Variants in EPHA5 observed in about 807,000 individuals in gnomAD.
EPHA5 encodes the protein ephrin type-A receptor 5.
EPHA5 carries 60 observed loss-of-function variants against 105.0 expected under a neutral mutation model. The ratio of observed to expected loss-of-function variants is 0.57; its 90% CI spans 0.46 to 0.71. The LOEUF is 0.71. EPHA5 is among the 30% of genes least tolerant of loss of function. The pLI is 0.00. For synonymous variants in EPHA5, 513 were observed against 449.1 expected (o/e 1.14, Z -1.80); for missense variants, 1,218 against 1,274.7 (o/e 0.96, Z 0.68).
chr4:65,548,096 C>A (rs1188831306), intron 3 of EPHA5, among the ~76,000 whole-genome samples: 1 of 150,614 alleles, frequency 6.6e-6, no homozygotes, highest in Non-Finnish European at 1.5e-5. Context: ...AAGCCAGCCC[C>A]AAACAGTGAG....
intron 5 of EPHA5, among the ~76,000 whole-genome samples, chr4:65,442,251 T>A (rs557171131): frequency 6.6e-6 from 1 of 152,086 alleles, no homozygotes; most frequent in African/African-American, 2.4e-5. Context: ...GGGGCCTCCA[T>A]GAGAAGAGCT....
chr4:65,348,659 G>A, intron 13 of EPHA5, among the ~76,000 whole-genome samples: 1 of 60,228 alleles, frequency 1.7e-5, no homozygotes, highest in African/African-American at 5.9e-5. Flanking sequence ...AAACATTGGA[G>A]ATATATATAT....
At position 65,522,499 on chromosome 4, in the gene EPHA5, T is replaced by C. The variant is rs912148378; in HGVS notation, c.911-26956A>G. Among the ~76,000 whole-genome samples, 3 of 151,814 alleles carry C rather than the reference T, an allele frequency of 2.0e-5. No homozygotes were observed. The Admixed American group carries it at 2.0e-4, about 10-fold the overall frequency. ...CTAGTCGGCCACACACAATTAGTTATCTGGAGTACTGAGACTTACAAGGTG... is the reference window on the plus strand; with the variant it reads ...CTAGTCGGCCACACACAATTAGTTACCTGGAGTACTGAGACTTACAAGGTG... On this transcript the variant is annotated intron_variant, in intron 3 of 16. Coordinates refer to ENST00000613740, the MANE Select transcript of EPHA5 (RefSeq NM_001281766.3).
chr4:65,427,108 A>G (rs774479683), intron 5 of EPHA5, among the ~76,000 whole-genome samples: 1 of 151,890 alleles, frequency 6.6e-6, no homozygotes, highest in Non-Finnish European at 1.5e-5. Context: ...ATATACCCAC[A>G]CACAATTTCA....
At chr4:65,395,868 T>C (rs62312557) in intron 8 of EPHA5, among the ~76,000 whole-genome samples, 16,183 of 152,238 alleles carry the variant, frequency 0.11, 1,155 homozygotes, top group East Asian at 0.24. Flanking sequence ...AGTGGTGGCA[T>C]GTCTGGAATG....
At chr4:65,342,467 C>A (rs1721821562) in intron 14 of EPHA5, among the ~76,000 whole-genome samples, 1 of 151,824 alleles carries the variant, frequency 6.6e-6, no homozygotes, top group Non-Finnish European at 1.5e-5. Flanking sequence ...TAGTTAATTA[C>A]AACATACTGA....
chr4:65,342,477 ACT>A (rs1721822620), intron 14 of EPHA5, among the ~76,000 whole-genome samples: 2 of 151,782 alleles, frequency 1.3e-5, no homozygotes, highest in Admixed American at 6.6e-5. Flanking sequence ...CAACATACTG[ACT>A]CTTTATTTTA....
intron 5 of EPHA5, among the ~76,000 whole-genome samples, chr4:65,474,468 G>A (rs966813270): frequency 6.6e-6 from 1 of 152,116 alleles, no homozygotes; most frequent in Admixed American, 6.5e-5. Context: ...TATAATGTAA[G>A]CATCAGTTTG....
chr4:65,445,707 C>G (rs1398661916), intron 5 of EPHA5, among the ~76,000 whole-genome samples: 1 of 152,122 alleles, frequency 6.6e-6, no homozygotes, highest in Non-Finnish European at 1.5e-5. Flanking sequence ...ATTACACTTA[C>G]TACATTCATT....
At chr4:65,633,694 A>T (rs1366020026) in intron 2 of EPHA5, among the ~76,000 whole-genome samples, 1 of 152,006 alleles carries the variant, frequency 6.6e-6, no homozygotes, top group East Asian at 1.9e-4. Context: ...TGGACTCAAT[A>T]TGAGATTGTG....
chr4:65,602,798 A>AT (rs758309334), intron 2 of EPHA5, among the ~76,000 whole-genome samples: 43 of 152,210 alleles, frequency 2.8e-4, no homozygotes, highest in Non-Finnish European at 5.4e-4. Flanking sequence ...AAAAACAGTC[A>AT]TTTATTTAAA....
intron 3 of EPHA5, among the ~76,000 whole-genome samples, chr4:65,536,414 A>G (rs1456365075): frequency 1.3e-5 from 2 of 151,904 alleles, no homozygotes; most frequent in Admixed American, 1.3e-4. Flanking sequence ...TAACAGAGAG[A>G]TTCTGCCGTT....
At chr4:65,584,172 T>C (rs1305541809) in intron 3 of EPHA5, among the ~76,000 whole-genome samples, 2 of 151,726 alleles carry the variant, frequency 1.3e-5, no homozygotes, top group African/African-American at 4.8e-5. Flanking sequence ...ATGGATAAGG[T>C]ATAAACAAAA....
intron 3 of EPHA5, among the ~76,000 whole-genome samples, chr4:65,521,559 G>C (rs1307482687): frequency 2.6e-5 from 4 of 151,888 alleles, no homozygotes; most frequent in African/African-American, 9.6e-5. Context: ...TTATGTAAAA[G>C]TTTTTATTTT....
chr4:65,367,231 AC>A (rs1343298458), intron 9 of EPHA5, 125 bp downstream of exon 9: 6 of 786,242 alleles, frequency 7.6e-6, no homozygotes, highest in African/African-American at 3.7e-5. Flanking sequence ...CAAATAGAAC[AC>A]TTTTAAAAAA....
chr4:65,343,218 T>C (rs1577864589), intron 14 of EPHA5, among the ~76,000 whole-genome samples: 1 of 152,172 alleles, frequency 6.6e-6, no homozygotes, highest in African/African-American at 2.4e-5. Context: ...TATCAATAAA[T>C]AGGCTTCTAC....
intron 3 of EPHA5, among the ~76,000 whole-genome samples, chr4:65,572,066 G>A (rs868015019): frequency 4.1e-4 from 63 of 151,860 alleles, no homozygotes; most frequent in Middle Eastern, 3.4e-3. Flanking sequence ...TAATATGAAG[G>A]GGTTAAGATA....
At chr4:65,560,916 C>T (rs936368278) in intron 3 of EPHA5, among the ~76,000 whole-genome samples, 4 of 151,870 alleles carry the variant, frequency 2.6e-5, no homozygotes, top group Non-Finnish European at 2.9e-5. Flanking sequence ...TACTTGAATG[C>T]TCAAGTAACT....
At chr4:65,651,991 A>G (rs1748650502) in intron 1 of EPHA5, among the ~76,000 whole-genome samples, 1 of 152,140 alleles carries the variant, frequency 6.6e-6, no homozygotes, top group African/African-American at 2.4e-5. Context: ...GAGCAACACC[A>G]TATGGTTTTC....
Sources: gnomAD v4.1 joint callset for allele counts (sites outside exome capture counted in the v4.1 genomes callset) on GRCh38, gnomAD v4.1.1 for gene constraint, MANE v1.5 for transcripts, NCBI Gene and HGNC (gene_info 2026-07-23, HGNC 2026-07-21) for gene names.